Variants in PTH2R observed in about 807,000 individuals in gnomAD.
The protein encoded by PTH2R is PTH2 receptor.
A neutral mutation model predicts 60.3 loss-of-function variants in PTH2R; 59 were observed. The observed-to-expected ratio is 0.98, with a 90% CI of 0.79 to 1.22. The LOEUF (loss-of-function observed/expected upper bound fraction) is 1.22. PTH2R is among the 50% of genes most tolerant of loss of function. PTH2R has a pLI of 0.00. For missense variants in PTH2R, 749 were observed against 682.6 expected, an observed-to-expected ratio of 1.10 and a Z score of -1.08; for synonymous variants, 256 against 243.8, an observed-to-expected ratio of 1.05 and a Z score of -0.47.
rs951408416 is a variant in PTH2R, at chr2:208,460,562, A to G, written c.981+601A>G. On this transcript the variant is annotated intron_variant, in intron 9 of 12. Transcript: ENST00000272847. ...ATAATAGGGAGAAAGACCACAATGC[A>G]TGTTGCACTGGACCTTATCTGCCTA... Among the ~76,000 whole-genome samples the G allele has an allele frequency of 2.0e-5, 3 of 152,182 alleles. No homozygotes were observed. The South Asian group carries it at 6.2e-4, about 32-fold the overall frequency.
intron 1 of PTH2R, among the ~76,000 whole-genome samples, chr2:208,413,346 A>T (rs1701579152): frequency 2.0e-5 from 3 of 152,206 alleles, no homozygotes; most frequent in African/African-American, 7.2e-5. Flanking sequence ...AGACACAGCT[A>T]CATAGAAGTC....
intron 10 of PTH2R, among the ~76,000 whole-genome samples, chr2:208,483,929 A>G (rs769497332): frequency 1.3e-5 from 2 of 152,180 alleles, no homozygotes; most frequent in African/African-American, 2.4e-5. Flanking sequence ...CCAAGTTTAA[A>G]TAGCATCTCA....
intron 1 of PTH2R, among the ~76,000 whole-genome samples, chr2:208,390,023 C>G (rs1574830871): frequency 6.6e-6 from 1 of 152,126 alleles, no homozygotes; most frequent in Admixed American, 6.5e-5. Flanking sequence ...TTAGAGCATG[C>G]CACTCCCATT....
chr2:208,437,686 A>G, intron 3 of PTH2R, 39 bp downstream of exon 3: 1 of 1,603,352 alleles, frequency 6.2e-7, no homozygotes, highest in African/African-American at 1.3e-5. Context: ...TAAAACAAAC[A>G]TTTACTTGTC....
chr2:208,410,711 C>T (rs926788583), intron 1 of PTH2R, among the ~76,000 whole-genome samples: 1 of 152,104 alleles, frequency 6.6e-6, no homozygotes, highest in Non-Finnish European at 1.5e-5. Flanking sequence ...CATTAAAATA[C>T]ATGCACATAA....
At chr2:208,486,178 C>T (rs1040666863) in intron 10 of PTH2R, among the ~76,000 whole-genome samples, 6 of 152,172 alleles carry the variant, frequency 3.9e-5, no homozygotes, top group Admixed American at 3.3e-4. Flanking sequence ...CCTATAGAAA[C>T]TGAGAGAGAA....
chr2:208,388,190 C>T (rs554133463), intron 1 of PTH2R, among the ~76,000 whole-genome samples: 1 of 149,120 alleles, frequency 6.7e-6, no homozygotes, highest in African/African-American at 2.5e-5. Context: ...GTGGCGGTCA[C>T]CTGTAGCCCC....
rs529548334 is a variant in PTH2R, at chr2:208,452,847, G to C, written c.914+2038G>C. Among the ~76,000 whole-genome samples the C allele has an allele frequency of 6.9e-4, 105 of 152,312 alleles. 1 individual carries two copies. The highest frequency in any genetic ancestry group is 3.4e-3 in the Middle Eastern group (1 of 294). The stretch of plus-strand genomic sequence containing the variant: ...GGTCAGAGAAGTTGTGCTCAAGGTT[G>C]CACAGCCACGAATGGTAGAAAAGTA... On this transcript the variant is annotated intron_variant, in intron 8 of 12. Coordinates refer to ENST00000272847, the MANE Select transcript of PTH2R (RefSeq NM_005048.4).
At chr2:208,440,798 T>C (rs1702166375) in intron 4 of PTH2R, among the ~76,000 whole-genome samples, 1 of 152,220 alleles carries the variant, frequency 6.6e-6, no homozygotes, top group Admixed American at 6.5e-5. Context: ...CAGGCAATTC[T>C]TTGCCGTGAG....
intron 9 of PTH2R, among the ~76,000 whole-genome samples, chr2:208,477,235 C>A (rs1703025101): frequency 6.6e-6 from 1 of 152,074 alleles, no homozygotes; most frequent in Non-Finnish European, 1.5e-5. Context: ...GTGAGTGAGA[C>A]TAACATTTAA....
intron 2 of PTH2R, among the ~76,000 whole-genome samples, chr2:208,436,726 G>T (rs77277893): frequency 6.6e-6 from 1 of 152,080 alleles, no homozygotes; most frequent in Non-Finnish European, 1.5e-5. Flanking sequence ...GAGACATCCT[G>T]TTTCTGGGAG....
chr2:208,443,463 G>T lies in PTH2R; in HGVS notation c.625G>T (p.Glu209Ter), dbSNP rs1294824444. The T allele has an allele frequency of 6.2e-7, 1 of 1,613,870 alleles. No individual in the cohort carries two copies. The highest frequency in any genetic ancestry group is 1.1e-5 in the South Asian group (1 of 91,010). Residue 209 changes from glutamate to a stop codon, truncating the protein, a stop_gained, in exon 6 of 13, where the codon GAG becomes TAG. Transcript: ENST00000272847. LOFTEE classifies it high-confidence loss of function. Reference sequence around the variant, plus strand: ...AGTCCATGCTCACATAGGAGTAAAGGAGCTGGAGTCCCTAATAATGCAGGA... The same window carrying T: ...AGTCCATGCTCACATAGGAGTAAAGTAGCTGGAGTCCCTAATAATGCAGGA... The part of the protein sequence containing the change: ...RVVHAHIGVK[E>*]LESLIMQDDP...
intron 9 of PTH2R, 100 bp from the exon 10 acceptor site, chr2:208,480,970 A>G (rs2105905067): frequency 2.4e-6 from 2 of 848,158 alleles, no homozygotes; most frequent in Non-Finnish European, 1.9e-6. Context: ...GAAATGGGCA[A>G]TTTTTCTTAT....
chr2:208,439,356 T>C (rs1702139032), intron 4 of PTH2R, among the ~76,000 whole-genome samples: 1 of 152,016 alleles, frequency 6.6e-6, no homozygotes, highest in South Asian at 2.1e-4. Flanking sequence ...ACAAAAAATG[T>C]TTTCTATTGT....
intron 1 of PTH2R, among the ~76,000 whole-genome samples, chr2:208,408,483 T>G (rs1006050269): frequency 6.6e-6 from 1 of 152,132 alleles, no homozygotes; most frequent in Non-Finnish European, 1.5e-5. Flanking sequence ...TTATTTAGTG[T>G]TCTAGATTAC....
At position 208,465,224 on chromosome 2, in the gene PTH2R, C is replaced by T. The variant is rs555423026; in HGVS notation, c.981+5263C>T. Among the ~76,000 whole-genome samples, 23 of 152,132 alleles carry T rather than the reference C, an allele frequency of 1.5e-4. No individual in the cohort carries two copies. In the South Asian group the frequency reaches 4.8e-3, roughly 32 times the overall value. ...CTCCTGGGCTCAAGCAATCCACTCG[C>T]CTCTGCCTCCCATAGTGCTGGTATT... On this transcript the variant is annotated intron_variant, in intron 9 of 12. Coordinates refer to ENST00000272847, the MANE Select transcript of PTH2R (RefSeq NM_005048.4).
In PTH2R at chr2:208,392,884, A is replaced by G. The variant is rs116251347; in HGVS notation, c.-259+32647A>G. On this transcript the variant is annotated intron_variant, in intron 1 of 12. Coordinates refer to the PTH2R transcript ENST00000617735. ...CCCCGGGACCTGTCAATCCTGCTGG[A>G]CCATCTCTGAGACTGGTTCTGAACC... is the stretch of plus-strand genomic sequence containing the variant. Among the ~76,000 whole-genome samples, 514 of 152,250 alleles carry G rather than the reference A, an allele frequency of 3.4e-3. 3 individuals carry two copies. The highest frequency in any genetic ancestry group is 0.012 in the African/African-American group (497 of 41,548).
At chr2:208,385,370 T>C (rs1261105094) in intron 1 of PTH2R, among the ~76,000 whole-genome samples, 1 of 152,056 alleles carries the variant, frequency 6.6e-6, no homozygotes. Context: ...AATACCCTTG[T>C]TGCTTGTCAA....
chr2:208,371,689 G>A (rs572245710), intron 1 of PTH2R, among the ~76,000 whole-genome samples: 9 of 152,164 alleles, frequency 5.9e-5, no homozygotes, highest in African/African-American at 2.2e-4. Flanking sequence ...GTACCTTTCA[G>A]GAAATGCTCA....
Sources: allele counts gnomAD v4.1 joint callset (sites outside exome capture counted in the v4.1 genomes callset), GRCh38; gene constraint gnomAD v4.1.1; transcripts MANE v1.5; gene names NCBI Gene and HGNC (gene_info 2026-07-23, HGNC 2026-07-21).